The following FAF1 variants were observed in gnomAD, a reference collection of about 807,000 sequenced individuals.
FAF1 encodes Fas associated factor 1.
In FAF1, 25 loss-of-function variants were observed where a neutral mutation model predicts 92.5. The observed-to-expected ratio is 0.27, with a 90% CI of 0.20 to 0.38. FAF1 has a LOEUF of 0.38. Among genes scored for constraint, FAF1 ranks in the 10% least tolerant of loss-of-function variants. The pLI, the probability that FAF1 is intolerant of heterozygous loss-of-function variation, is 1.00. For synonymous variants in FAF1, 234 were observed against 273.2 expected, an observed-to-expected ratio of 0.86 and a Z score of 1.42; for missense variants, 636 against 793.3, an observed-to-expected ratio of 0.80 and a Z score of 2.38.
chr1:50,479,230 T>C (rs1180143588), intron 17 of FAF1, among the ~76,000 whole-genome samples: 1 of 144,204 alleles, frequency 6.9e-6, no homozygotes, highest in African/African-American at 2.4e-5. Flanking sequence ...CAGAATGTTT[T>C]TAGGTGGGCC....
intron 7 of FAF1, among the ~76,000 whole-genome samples, chr1:50,682,550 T>TA (rs1181160858): frequency 3.3e-5 from 5 of 152,326 alleles, no homozygotes; most frequent in African/African-American, 9.6e-5. Context: ...AACAAAATAT[T>TA]AAACCTATTG....
rs57528056 is a variant in FAF1, at chr1:50,779,991, G to GACACACACACACACAC, written c.367+7993_367+8008dup. Reference sequence around the variant, plus strand: ...ACAAGCACACATGCACAGACAGACAGACACACACACACACACACACACACA... The same window carrying GACACACACACACACAC: ...ACAAGCACACATGCACAGACAGACAGACACACACACACACACACACACACACACACACACACACACA... On this transcript the variant is annotated intron_variant, in intron 4 of 18. Transcript: ENST00000396153. Among the ~76,000 whole-genome samples the GACACACACACACACAC allele has an allele frequency of 1.4e-4, 20 of 145,520 alleles. No homozygotes were observed. In the South Asian group the frequency reaches 2.0e-3, roughly 14 times the overall value.
intron 4 of FAF1, among the ~76,000 whole-genome samples, chr1:50,762,665 T>C (rs1051887531): frequency 1.3e-5 from 2 of 152,200 alleles, no homozygotes; most frequent in East Asian, 1.9e-4. Flanking sequence ...GGATCCCTCC[T>C]TACACCTTAT....
At chr1:50,455,354 C>T (rs1646338554) in intron 18 of FAF1, among the ~76,000 whole-genome samples, 1 of 152,194 alleles carries the variant, frequency 6.6e-6, no homozygotes, top group African/African-American at 2.4e-5. Flanking sequence ...ACTTAGCTGC[C>T]ACCTGATCCT....
At chr1:50,563,609 G>A (rs1030006861) in intron 13 of FAF1, among the ~76,000 whole-genome samples, 2 of 152,042 alleles carry the variant, frequency 1.3e-5, no homozygotes, top group African/African-American at 4.8e-5. Flanking sequence ...CAACATTCTT[G>A]GATGGAAATA....
chr1:50,501,812 T>C (rs945662381), intron 15 of FAF1, among the ~76,000 whole-genome samples: 2 of 152,212 alleles, frequency 1.3e-5, no homozygotes, highest in South Asian at 4.1e-4. Flanking sequence ...TATGCATCTA[T>C]CTACTGTATG....
intron 7 of FAF1, among the ~76,000 whole-genome samples, chr1:50,667,199 T>C (rs1262269567): frequency 2.0e-5 from 3 of 152,168 alleles, no homozygotes; most frequent in Non-Finnish European, 4.4e-5. Flanking sequence ...GAAGAGCATA[T>C]AAAAATAGTT....
At chr1:50,909,388 G>T (rs1291974079) in intron 1 of FAF1, among the ~76,000 whole-genome samples, 1 of 152,136 alleles carries the variant, frequency 6.6e-6, no homozygotes, top group East Asian at 1.9e-4. Context: ...TCTTTGTGGT[G>T]TTCTCTGTAT....
At chr1:50,678,649 A>C (rs933713176) in intron 7 of FAF1, among the ~76,000 whole-genome samples, 2 of 151,608 alleles carry the variant, frequency 1.3e-5, no homozygotes, top group Admixed American at 1.3e-4. Context: ...GCATGGCAGC[A>C]GGTGCCTGTA....
intron 2 of FAF1, among the ~76,000 whole-genome samples, chr1:50,856,382 C>A (rs1397138256): frequency 6.6e-6 from 1 of 151,784 alleles, no homozygotes; most frequent in Non-Finnish European, 1.5e-5. Flanking sequence ...TTCGATTAAG[C>A]CACTGCTCTT....
chr1:50,628,017 G>A (rs1325810842), intron 8 of FAF1, among the ~76,000 whole-genome samples: 1 of 152,112 alleles, frequency 6.6e-6, no homozygotes, highest in African/African-American at 2.4e-5. Context: ...AATAACTGCA[G>A]ATAACTCTGA....
chr1:50,927,392 C>A (rs774524987), intron 1 of FAF1, among the ~76,000 whole-genome samples: 107 of 152,002 alleles, frequency 7.0e-4, no homozygotes, highest in Non-Finnish European at 1.1e-3. Context: ...ACCAGCCTAG[C>A]CAACATGTTG....
chr1:50,888,196 T>C (rs1040222844), intron 1 of FAF1, among the ~76,000 whole-genome samples: 1 of 152,140 alleles, frequency 6.6e-6, no homozygotes, highest in Admixed American at 6.6e-5. Context: ...TTGGTGTATA[T>C]GAATGCTTGT....
intron 1 of FAF1, among the ~76,000 whole-genome samples, chr1:50,951,954 C>G (rs1645217188): frequency 6.6e-6 from 1 of 152,162 alleles, no homozygotes; most frequent in Non-Finnish European, 1.5e-5. Flanking sequence ...TATAAACGGA[C>G]AGAAACTACT....
chr1:50,796,277 C>T (rs1247945075), intron 3 of FAF1, among the ~76,000 whole-genome samples: 1 of 152,058 alleles, frequency 6.6e-6, no homozygotes, highest in African/African-American at 2.4e-5. Context: ...ATCACCCTAG[C>T]AGTGACATAT....
rs76125309 is a variant in FAF1, at chr1:50,591,770, T to C, written c.840+4351A>G. Among the ~76,000 whole-genome samples the C allele has an allele frequency of 1.0e-2, 1,514 of 152,076 alleles. 26 individuals are homozygous for C. Among genetic ancestry groups the C allele is most frequent in the African/African-American group, 0.035 (1,434 of 41,494 alleles). On this transcript the variant is annotated intron_variant, in intron 9 of 18. Transcript: ENST00000396153. Reference sequence around the variant, plus strand: ...TTACTCACTTTCACCTCATCTCTTATCTTCCTTTTCCCCCGACTTTCTTCT... The same window carrying C: ...TTACTCACTTTCACCTCATCTCTTACCTTCCTTTTCCCCCGACTTTCTTCT...
intron 8 of FAF1, among the ~76,000 whole-genome samples, chr1:50,618,679 C>T (rs1653050453): frequency 6.6e-6 from 1 of 151,918 alleles, no homozygotes; most frequent in Non-Finnish European, 1.5e-5. Context: ...TTTATCATTA[C>T]ATAAGGCCCT....
intron 2 of FAF1, among the ~76,000 whole-genome samples, chr1:50,842,280 G>C (rs1357101867): frequency 6.6e-6 from 1 of 152,018 alleles, no homozygotes; most frequent in African/African-American, 2.4e-5. Context: ...TGGTGTAAGG[G>C]AGGTAGGTAG....
chr1:50,591,738 A>G (rs1651526415), intron 9 of FAF1, among the ~76,000 whole-genome samples: 1 of 151,470 alleles, frequency 6.6e-6, no homozygotes, highest in African/African-American at 2.4e-5. Flanking sequence ...AATGTGTCAT[A>G]CAAGACTTAC....
Sources: gnomAD v4.1 joint callset for allele counts (sites outside exome capture counted in the v4.1 genomes callset) on GRCh38, gnomAD v4.1.1 for gene constraint, MANE v1.5 for transcripts, NCBI Gene and HGNC (gene_info 2026-07-23, HGNC 2026-07-21) for gene names.